The following ARSG variants were observed in gnomAD, a reference collection of about 807,000 sequenced individuals.
ARSG encodes ASG.
A neutral mutation model predicts 50.5 loss-of-function variants in ARSG; 37 were observed. The observed-to-expected ratio is 0.73, with a 90% CI of 0.56 to 0.96. ARSG has a LOEUF of 0.96. Ranked by LOEUF, ARSG falls within the 50% of genes least tolerant of loss-of-function variation. The pLI is 0.00. For missense variants in ARSG, 629 were observed against 675.3 expected, an observed-to-expected ratio of 0.93 and a Z score of 0.76; for synonymous variants, 225 against 254.6, an observed-to-expected ratio of 0.88 and a Z score of 1.11.
chr17:68,309,851 C>T (rs1405284405), intron 2 of ARSG, among the ~76,000 whole-genome samples: 3 of 138,688 alleles, frequency 2.2e-5, no homozygotes, highest in Non-Finnish European at 4.6e-5. Flanking sequence ...AAGAGTGAGA[C>T]TCTGTCTAAA....
Position 68,420,208 on chromosome 17 carries a change from T to C in ARSG, c.1323T>C (p.Asp441=), listed in dbSNP as rs1018915916. 3 of 1,614,100 alleles carry C rather than the reference T, an allele frequency of 1.9e-6. No homozygotes were observed. The highest frequency in any genetic ancestry group is 2.5e-6 in the Non-Finnish European group (3 of 1,180,018). ...CTCTAGGTGGAGCCAGGGCGTGTGATGGGAGCACGGGGCCTGAGCTGCAGC... is the reference window on the plus strand; with the variant it reads ...CTCTAGGTGGAGCCAGGGCGTGTGACGGGAGCACGGGGCCTGAGCTGCAGC... ...FYITGGARAC[D]GSTGPELQHK... is the part of the protein sequence containing the mutation. The change falls in exon 12 of 12, where the codon GAT becomes GAC. Residue 441 remains aspartate (D), a synonymous_variant. Coordinates refer to ENST00000621439, the MANE Select transcript of ARSG (RefSeq NM_001267727.2).
intron 9 of ARSG, among the ~76,000 whole-genome samples, chr17:68,391,786 T>C (rs2081004255): frequency 1.3e-5 from 2 of 152,204 alleles, no homozygotes; most frequent in African/African-American, 4.8e-5. Flanking sequence ...GTGCTGACTC[T>C]GCATTCTTGA....
intron 1 of ARSG, among the ~76,000 whole-genome samples, chr17:68,299,722 C>T (rs2076344290): frequency 6.6e-6 from 1 of 152,062 alleles, no homozygotes; most frequent in African/African-American, 2.4e-5. Context: ...TGTTGTGAAC[C>T]TTGTCTGGAT....
chr17:68,395,607 A>G (rs191664750), intron 10 of ARSG, among the ~76,000 whole-genome samples: 78 of 152,326 alleles, frequency 5.1e-4, no homozygotes, highest in Non-Finnish European at 9.7e-4. Context: ...CCCCCAGTCC[A>G]GATTTATATT....
chr17:68,354,428 GAAAA>G (rs1379913297), intron 5 of ARSG, among the ~76,000 whole-genome samples: 6 of 144,050 alleles, frequency 4.2e-5, no homozygotes, highest in African/African-American at 1.5e-4. Flanking sequence ...AAAAAAAAAA[GAAAA>G]AAAGAAAAAA....
the ARSG span, among the ~76,000 whole-genome samples, chr17:68,440,150 C>T: frequency 2.0e-5 from 3 of 152,164 alleles, no homozygotes; most frequent in African/African-American, 7.2e-5. Flanking sequence ...ACAGTTTTGC[C>T]TCCAGGCTCG....
At position 68,397,768 on chromosome 17, in the gene ARSG, AATTTT is replaced by A. The variant is rs552464630; in HGVS notation, c.1212+2586_1212+2590del. On this transcript the variant is annotated intron_variant, in intron 10 of 11. Coordinates refer to ENST00000621439, the MANE Select transcript of ARSG (RefSeq NM_001267727.2). Reference sequence around the variant, plus strand: ...TGCATGTTTTGTTTTAATTTAATTTAATTTTATTTTATTTTTTGAGAGGAGTCTCA... The same window carrying A: ...TGCATGTTTTGTTTTAATTTAATTTAATTTTATTTTTTGAGAGGAGTCTCA... Among the ~76,000 whole-genome samples the A allele has an allele frequency of 4.0e-3, 614 of 151,884 alleles. 5 individuals carry two copies. The highest frequency in any genetic ancestry group is 0.014 in the African/African-American group (593 of 41,382).
intron 2 of ARSG, among the ~76,000 whole-genome samples, chr17:68,322,956 A>C (rs1213516203): frequency 2.0e-5 from 3 of 152,052 alleles, no homozygotes; most frequent in Admixed American, 6.6e-5. Context: ...GTATTCTCAC[A>C]AGGAGAATAC....
At chr17:68,295,458 A>G (rs1003394187) in intron 1 of ARSG, among the ~76,000 whole-genome samples, 4 of 151,482 alleles carry the variant, frequency 2.6e-5, no homozygotes, top group Non-Finnish European at 4.4e-5. Context: ...TTTGCCATTT[A>G]TTACTGCTTA....
intron 8 of ARSG, among the ~76,000 whole-genome samples, chr17:68,374,157 C>CAAAAAAAA (rs758829709): frequency 1.7e-5 from 1 of 60,512 alleles, no homozygotes; most frequent in African/African-American, 5.8e-5. Flanking sequence ...ACTCTGTCTC[C>CAAAAAAAA]AAAAAAAAAA....
downstream of ARSG, chr17:68,422,010 C>A: frequency 1.6e-6 from 1 of 639,962 alleles, no homozygotes; most frequent in South Asian, 1.8e-5. Context: ...AAGTATGACA[C>A]AGTTCTAGAA....
At chr17:68,445,910 T>C in the ARSG span, among the ~76,000 whole-genome samples, 2 of 152,156 alleles carry the variant, frequency 1.3e-5, no homozygotes, top group African/African-American at 4.8e-5. Context: ...CCCTGGGCTC[T>C]CCCCGGAGAT....
At chr17:68,405,130 CT>C (rs58178643) in intron 11 of ARSG, among the ~76,000 whole-genome samples, 2,297 of 92,960 alleles carry the variant, frequency 0.025, 33 homozygotes, top group African/African-American at 0.076. Context: ...CAGCTTTGGG[CT>C]TTTTTTTTTT....
At chr17:68,388,507 C>T (rs945181177) in intron 9 of ARSG, among the ~76,000 whole-genome samples, 9 of 152,146 alleles carry the variant, frequency 5.9e-5, no homozygotes, top group South Asian at 4.1e-4. Flanking sequence ...AGGGGAAGGG[C>T]CTGCTCTGCC....
the ARSG span, among the ~76,000 whole-genome samples, chr17:68,449,041 C>G: frequency 1.3e-5 from 2 of 152,144 alleles, no homozygotes; most frequent in African/African-American, 4.8e-5. Flanking sequence ...GAAACAATCC[C>G]TTCCTTCTCA....
intron 6 of ARSG, among the ~76,000 whole-genome samples, chr17:68,361,311 C>G (rs9284341): frequency 2.0e-5 from 3 of 151,976 alleles, no homozygotes; most frequent in Admixed American, 6.6e-5. Flanking sequence ...GAAAGAGACT[C>G]TGGTGTGCTC....
intron 3 of ARSG, among the ~76,000 whole-genome samples, chr17:68,346,266 G>A (rs1000415021): frequency 1.3e-5 from 2 of 151,896 alleles, no homozygotes; most frequent in Admixed American, 6.6e-5. Flanking sequence ...GACTCCTAGA[G>A]GCCCTTCATC....
At chr17:68,387,079 TCACACACA>T (rs72320984) in intron 9 of ARSG, among the ~76,000 whole-genome samples, 9,897 of 146,094 alleles carry the variant, frequency 0.068, 335 homozygotes, top group Middle Eastern at 0.079. Context: ...ATATAGTGTA[TCACACACA>T]CACACACACA....
chr17:68,284,080 A>G (rs1345827714), intron 1 of ARSG, among the ~76,000 whole-genome samples: 1 of 134,960 alleles, frequency 7.4e-6, no homozygotes, highest in Non-Finnish European at 1.6e-5. Flanking sequence ...TGAGCAATAG[A>G]GCAATAGAGT....
Sources: gnomAD v4.1 joint callset for allele counts (sites outside exome capture counted in the v4.1 genomes callset) on GRCh38, gnomAD v4.1.1 for gene constraint, MANE v1.5 for transcripts, NCBI Gene and HGNC (gene_info 2026-07-23, HGNC 2026-07-21) for gene names.